Variants in RS1 observed in about 807,000 individuals in gnomAD.
The protein encoded by RS1 is retinoschisin 1, also known as retinoschisin.
Under a neutral mutation model 20.8 loss-of-function variants are expected in RS1, and 2 were observed. The ratio of observed to expected loss-of-function variants is 0.10; its 90% CI spans 0.04 to 0.30. The LOEUF (loss-of-function observed/expected upper bound fraction) is 0.30, where lower values mean the gene tolerates loss of function less well. Among genes scored for constraint, RS1 ranks in the 10% least tolerant of loss-of-function variants. RS1 has a pLI of 1.00. For missense variants in RS1, 151 were observed against 189.8 expected (o/e 0.80, Z 1.20); for synonymous variants, 70 against 75.8 (o/e 0.92, Z 0.40).
At chrX:18,658,254 C>A (rs1476000499) in intron 1 of RS1, among the ~76,000 whole-genome samples, 1 of 111,631 alleles carries the variant, frequency 9.0e-6, no homozygotes, top group East Asian at 2.8e-4. Flanking sequence ...GTGGACAGGG[C>A]AGGGAGAGGA....
At chrX:18,661,793 G>C (rs891085146) in intron 1 of RS1, among the ~76,000 whole-genome samples, 4 of 112,232 alleles carry the variant, frequency 3.6e-5, no homozygotes, top group Non-Finnish European at 5.6e-5. Flanking sequence ...TCCTCTCAAC[G>C]CCTTCTGCAC....
chrX:18,655,694 T>C (rs1195899166), intron 3 of RS1, among the ~76,000 whole-genome samples: 1 of 111,566 alleles, frequency 9.0e-6, no homozygotes, highest in African/African-American at 3.3e-5. Flanking sequence ...TCAGTGCCAT[T>C]TTCAAAGTGG....
intron 3 of RS1, among the ~76,000 whole-genome samples, chrX:18,656,413 G>A (rs1489492356): frequency 1.8e-5 from 2 of 112,087 alleles, no homozygotes; most frequent in Admixed American, 9.5e-5. Flanking sequence ...CTGACATCAC[G>A]CCATGTGTTG....
chrX:18,665,745 A>T (rs1928394704), intron 1 of RS1, among the ~76,000 whole-genome samples: 1 of 108,757 alleles, frequency 9.2e-6, no homozygotes, highest in Admixed American at 9.9e-5. Context: ...AATAAAAATT[A>T]GCCAGGTGTG....
At chrX:18,671,961 T>C in intron 1 of RS1, 56 bp downstream of exon 1, 1 of 962,445 alleles carries the variant, frequency 1.0e-6, no homozygotes, top group South Asian at 1.9e-5. Context: ...ATCAACGATA[T>C]TAATTAAATT....
At chrX:18,648,134 A>G (rs1337746280) in intron 3 of RS1, among the ~76,000 whole-genome samples, 5 of 110,728 alleles carry the variant, frequency 4.5e-5, no homozygotes, top group Admixed American at 9.5e-5. Flanking sequence ...CCCGGGAGGC[A>G]GAGGTTTCAG....
intron 1 of RS1, among the ~76,000 whole-genome samples, chrX:18,659,858 A>G (rs1270440943): frequency 9.0e-6 from 1 of 111,370 alleles, no homozygotes; most frequent in East Asian, 2.8e-4. Context: ...AGGCCATCAA[A>G]CCTAGGAAGG....
At chrX:18,654,320 C>G (rs949975320) in intron 3 of RS1, among the ~76,000 whole-genome samples, 1 of 110,466 alleles carries the variant, frequency 9.1e-6, no homozygotes, top group East Asian at 2.9e-4. Flanking sequence ...GTGCCCCCCC[C>G]ATCTAGAGAT....
Position 18,672,025 on chromosome X carries a change from C to T in RS1, c.44G>A (p.Gly15Asp). 5.0e-6 allele frequency: 6 copies of T among 1,209,457 alleles called. No homozygotes were observed. The highest frequency in any genetic ancestry group is 6.7e-6 in the Non-Finnish European group (6 of 893,571). ...GGTTGAATAGCACATACCTTCATAG[C>T]CAAAGAGAAGTAATAACAAAAAGCC... ...IEGFLLLLLF[G>D]YEATLGLSST... The change falls in exon 1 of 6, where the codon GGC becomes GAC. Residue 15 changes from glycine (G) to aspartate (D), a missense_variant. Coordinates refer to ENST00000379984, the MANE Select transcript of RS1 (RefSeq NM_000330.4).
At chrX:18,667,099 G>A (rs1400452708) in intron 1 of RS1, among the ~76,000 whole-genome samples, 1 of 111,599 alleles carries the variant, frequency 9.0e-6, no homozygotes, top group Non-Finnish European at 1.9e-5. Flanking sequence ...CCTCAGGCCT[G>A]TAGCTGTTCA....
intron 2 of RS1, 60 bp from the exon 3 acceptor site, chrX:18,656,818 C>T: frequency 2.1e-6 from 2 of 936,731 alleles, no homozygotes; most frequent in Admixed American, 2.2e-5. Flanking sequence ...TGTGGTTGCC[C>T]CCACGGAGTG....
intron 3 of RS1, among the ~76,000 whole-genome samples, chrX:18,653,075 A>G (rs1928117398): frequency 8.9e-6 from 1 of 112,619 alleles, no homozygotes; most frequent in Admixed American, 9.4e-5. Context: ...GTGACAATAT[A>G]GTAGAGTACA....
chrX:18,654,103 C>T (rs1008550014), intron 3 of RS1, among the ~76,000 whole-genome samples: 8 of 110,363 alleles, frequency 7.2e-5, no homozygotes, highest in African/African-American at 2.6e-4. Flanking sequence ...GCTTTGGGGA[C>T]CAGGGTCAAT....
At chrX:18,653,408 C>A (rs779429355) in intron 3 of RS1, 1 of 1,206,243 alleles carries the variant, frequency 8.3e-7, no homozygotes, top group East Asian at 3.0e-5. Context: ...CTGAGTGACC[C>A]CGCTGTCCTT....
rs779791138 is a variant in RS1, at chrX:18,653,514, C to T, written c.184+3139G>A. On this transcript the variant is annotated intron_variant, in intron 3 of 5. Transcript: ENST00000379984. The stretch of plus-strand genomic sequence containing the variant: ...TAAACCAAGCTGCGCTCCTGACATA[C>T]CATGAGAATGCGGCACTGACGGGCA... The T allele has an allele frequency of 1.7e-6, 2 of 1,210,474 alleles. No individual in the cohort carries two copies. The highest frequency in any genetic ancestry group is 3.5e-5 in the African/African-American group (2 of 57,320).
chrX:18,656,610 T>A, intron 3 of RS1, 43 bp downstream of exon 3: 3 of 995,630 alleles, frequency 3.0e-6, no homozygotes, highest in Non-Finnish European at 4.3e-6. Flanking sequence ...AGAAATGGGG[T>A]GTTCCCAATG....
At position 18,657,750 on chromosome X, in the gene RS1, A is replaced by G. The variant is rs1379778823; in HGVS notation, c.53-85T>C. The G allele has an allele frequency of 3.8e-6, 3 of 793,398 alleles. No individual in the cohort carries two copies. The African/African-American group carries it at 6.4e-5, about 17-fold the overall frequency. The allele number at this position is 793,398 out of a possible 1,213,427, so 65.4% of individuals were successfully genotyped here. A position where few individuals can be genotyped will look rare whatever the true frequency, so the allele number is the denominator to read the frequency against. On this transcript the variant is annotated intron_variant, in intron 1 of 5. Coordinates refer to ENST00000379984, the MANE Select transcript of RS1 (RefSeq NM_000330.4). ...CACTCGTTACATGGAAAAGTGAAAT[A>G]GAAATAGTCACATGAAAGCTACCAA...
At chrX:18,645,973 C>T (rs1927754245) in intron 4 of RS1, 6 of 1,210,592 alleles carry the variant, frequency 5.0e-6, no homozygotes, top group Non-Finnish European at 5.6e-6. Context: ...GTCATGCGCA[C>T]TCTGCTGCTC....
chrX:18,642,845 G>A, intron 5 of RS1, among the ~76,000 whole-genome samples: 1 of 109,770 alleles, frequency 9.1e-6, no homozygotes, highest in East Asian at 2.9e-4. Flanking sequence ...TTTGAGACCA[G>A]CCTGGCCAAC....
Sources: allele counts gnomAD v4.1 joint callset (sites outside exome capture counted in the v4.1 genomes callset), GRCh38; gene constraint gnomAD v4.1.1; transcripts MANE v1.5; gene names NCBI Gene and HGNC (gene_info 2026-07-23, HGNC 2026-07-21).